Variants in SLC25A13 observed in about 807,000 individuals in gnomAD.
The protein encoded by SLC25A13 is solute carrier family 25 member 13.
Under a neutral mutation model 85.5 loss-of-function variants are expected in SLC25A13, and 70 were observed. The observed-to-expected ratio is 0.82, with a 90% confidence interval of 0.68 to 1.00. The LOEUF (loss-of-function observed/expected upper bound fraction) is 1.00. SLC25A13 is among the 50% of genes least tolerant of loss of function. The probability of loss-of-function intolerance (pLI) is 0.00; values close to 1 mark genes in which losing one functional copy is unlikely to be tolerated. For synonymous variants in SLC25A13, 259 were observed against 288.7 expected (o/e 0.90, Z 1.04); for missense variants, 765 against 819.8 (o/e 0.93, Z 0.82).
rs367948961 is a variant in SLC25A13, at chr7:96,121,935, C to T, written c.1654G>A (p.Ala552Thr). The T allele has an allele frequency of 6.8e-6, 11 of 1,614,034 alleles. No individual in the cohort carries two copies. The African/African-American group carries it at 1.2e-4, about 18-fold the overall frequency. ...CTGTAAGTGGTTTGGCCAGCCCGGG[C>T]AGCCACCTGTAATCTCGTCTTGATA... Reference protein sequence around the residue: ...DVIKTRLQVAARAGQTTYSGV... With the variant: ...DVIKTRLQVATRAGQTTYSGV... Residue 552 changes from alanine (A) to threonine (T), a missense_variant, in exon 16 of 18, where the codon GCC becomes ACC. Transcript: ENST00000265631.
intron 2 of SLC25A13, among the ~76,000 whole-genome samples, chr7:96,292,141 A>C (rs1799150640): frequency 6.6e-6 from 1 of 152,216 alleles, no homozygotes; most frequent in Non-Finnish European, 1.5e-5. Flanking sequence ...AAATCAATAA[A>C]AGTAATCCAG....
At chr7:96,216,718 G>A (rs1304587876) in intron 4 of SLC25A13, among the ~76,000 whole-genome samples, 1 of 152,122 alleles carries the variant, frequency 6.6e-6, no homozygotes. Context: ...GGACACAGAG[G>A]AGAACAAGAG....
intron 9 of SLC25A13, among the ~76,000 whole-genome samples, chr7:96,188,885 T>C (rs1315939917): frequency 9.2e-5 from 14 of 152,172 alleles, no homozygotes; most frequent in South Asian, 2.1e-4. Context: ...AGTTAGACGA[T>C]GCGCTGATGA....
chr7:96,261,885 C>T (rs894640000), intron 3 of SLC25A13, among the ~76,000 whole-genome samples: 4 of 152,080 alleles, frequency 2.6e-5, no homozygotes, highest in Non-Finnish European at 1.5e-5. Context: ...GGGAAAGAGA[C>T]GGGGAAGAGG....
intron 3 of SLC25A13, among the ~76,000 whole-genome samples, chr7:96,267,183 T>C (rs1422506950): frequency 6.6e-6 from 1 of 152,212 alleles, no homozygotes; most frequent in Non-Finnish European, 1.5e-5. Context: ...TCTTTAAGTA[T>C]TGCCAATTGT....
intron 3 of SLC25A13, among the ~76,000 whole-genome samples, chr7:96,260,862 G>T (rs1242033669): frequency 6.6e-6 from 1 of 151,954 alleles, no homozygotes; most frequent in African/African-American, 2.4e-5. Flanking sequence ...AATCAGCCAG[G>T]CAAAACCTTT....
At chr7:96,180,807 A>G (rs1794391893) in intron 11 of SLC25A13, among the ~76,000 whole-genome samples, 1 of 152,232 alleles carries the variant, frequency 6.6e-6, no homozygotes, top group East Asian at 1.9e-4. Context: ...TACCCAATCA[A>G]TTGTTGTTCT....
chr7:96,153,046 G>A (rs1473012010), intron 13 of SLC25A13, among the ~76,000 whole-genome samples: 3 of 152,198 alleles, frequency 2.0e-5, no homozygotes, highest in African/African-American at 7.2e-5. Flanking sequence ...AGAGTGAAAA[G>A]ATAAAACTAC....
At chr7:96,311,859 A>C (rs1324113792) in intron 1 of SLC25A13, among the ~76,000 whole-genome samples, 1 of 152,198 alleles carries the variant, frequency 6.6e-6, no homozygotes, top group Admixed American at 6.5e-5. Flanking sequence ...TGTTAAACAA[A>C]CAAATAAACA....
At chr7:96,243,998 G>A (rs1417865000) in intron 3 of SLC25A13, among the ~76,000 whole-genome samples, 2 of 152,188 alleles carry the variant, frequency 1.3e-5, no homozygotes, top group African/African-American at 4.8e-5. Flanking sequence ...TGTGGAGCAC[G>A]GGCCGCCGGG....
At chr7:96,191,300 T>A in intron 6 of SLC25A13, 53 bp from the exon 7 acceptor site, 6 of 1,591,528 alleles carry the variant, frequency 3.8e-6, no homozygotes, top group Non-Finnish European at 5.2e-6. Context: ...GATTTATAGA[T>A]GATTCAGAAG....
chr7:96,307,921 G>A (rs1448994312), intron 1 of SLC25A13, among the ~76,000 whole-genome samples: 1 of 152,104 alleles, frequency 6.6e-6, no homozygotes, highest in African/African-American at 2.4e-5. Context: ...GGAGGCTGAG[G>A]TGGGTGGATC....
At chr7:96,251,037 G>C (rs987668696) in intron 3 of SLC25A13, among the ~76,000 whole-genome samples, 1 of 152,028 alleles carries the variant, frequency 6.6e-6, no homozygotes, top group African/African-American at 2.4e-5. Flanking sequence ...AAGTGTGTGG[G>C]AAAGAGGAGG....
At chr7:96,230,902 A>T (rs1377098725) in intron 4 of SLC25A13, among the ~76,000 whole-genome samples, 1 of 152,234 alleles carries the variant, frequency 6.6e-6, no homozygotes, top group Non-Finnish European at 1.5e-5. Flanking sequence ...TGAGGTCAAG[A>T]GTTCGAGACC....
intron 2 of SLC25A13, among the ~76,000 whole-genome samples, chr7:96,293,291 A>G (rs1174651474): frequency 6.6e-6 from 1 of 152,224 alleles, no homozygotes; most frequent in Admixed American, 6.5e-5. Context: ...AGATGGATTA[A>G]AGACTTACAT....
At position 96,279,535 on chromosome 7, in the gene SLC25A13, C is replaced by A. The variant is rs550831214; in HGVS notation, c.70-2197G>T. On this transcript the variant is annotated intron_variant, in intron 2 of 17. Coordinates refer to ENST00000265631, the MANE Select transcript of SLC25A13 (RefSeq NM_014251.3). ...TGCAGGGGAACTCCCATTTATAAAA[C>A]CATCAGATCTCATGAGACTTATTCA... Among the ~76,000 whole-genome samples the A allele has an allele frequency of 5.3e-5, 8 of 152,244 alleles. No individual in the cohort carries two copies. The East Asian group carries it at 1.5e-3, about 29-fold the overall frequency.
At chr7:96,178,041 G>A (rs1359968656) in intron 11 of SLC25A13, among the ~76,000 whole-genome samples, 3 of 152,166 alleles carry the variant, frequency 2.0e-5, no homozygotes, top group African/African-American at 7.2e-5. Context: ...ACACAACAAA[G>A]GGATGGTGCC....
At chr7:96,125,033 C>CA (rs1328328262) in intron 15 of SLC25A13, among the ~76,000 whole-genome samples, 2 of 152,124 alleles carry the variant, frequency 1.3e-5, no homozygotes, top group African/African-American at 4.8e-5. Flanking sequence ...TAATGGAGAC[C>CA]TACCACAGGT....
intron 3 of SLC25A13, among the ~76,000 whole-genome samples, chr7:96,266,656 C>T (rs1798052345): frequency 6.6e-6 from 1 of 152,162 alleles, no homozygotes; most frequent in African/African-American, 2.4e-5. Context: ...TTTTCTAATA[C>T]ATCAGCAACA....
Sources: gnomAD v4.1 joint callset for allele counts (sites outside exome capture counted in the v4.1 genomes callset) on GRCh38, gnomAD v4.1.1 for gene constraint, MANE v1.5 for transcripts, NCBI Gene and HGNC (gene_info 2026-07-23, HGNC 2026-07-21) for gene names.